The following SORCS3 variants were observed in gnomAD, a reference collection of about 807,000 sequenced individuals.
SORCS3 encodes sortilin related VPS10 domain containing receptor 3.
Under a neutral mutation model 146.3 loss-of-function variants are expected in SORCS3, and 57 were observed. The ratio of observed to expected loss-of-function variants is 0.39; its 90% CI spans 0.31 to 0.49. The LOEUF is 0.49. SORCS3 is among the 20% of genes least tolerant of loss of function. The pLI, the probability that SORCS3 is intolerant of heterozygous loss-of-function variation, is 0.92. For synonymous variants in SORCS3, 653 were observed against 618.5 expected, an observed-to-expected ratio of 1.06 and a Z score of -0.83; for missense variants, 1,341 against 1,575.5, an observed-to-expected ratio of 0.85 and a Z score of 2.52.
chr10:104,895,622 G>T (rs2018790421), intron 2 of SORCS3, among the ~76,000 whole-genome samples: 1 of 152,096 alleles, frequency 6.6e-6, no homozygotes, highest in South Asian at 2.1e-4. Context: ...AGAATATAAT[G>T]ATTCCTGCTT....
At chr10:104,741,070 T>C (rs972966442) in intron 1 of SORCS3, among the ~76,000 whole-genome samples, 7 of 151,432 alleles carry the variant, frequency 4.6e-5, no homozygotes, top group African/African-American at 1.7e-4. Context: ...CAAGGGATTC[T>C]CCCACATCAG....
chr10:104,906,279 T>C (rs905930476), intron 2 of SORCS3, among the ~76,000 whole-genome samples: 1 of 152,218 alleles, frequency 6.6e-6, no homozygotes, highest in African/African-American at 2.4e-5. Context: ...CTTTAATTTG[T>C]TAAGTGTTGG....
intron 25 of SORCS3, among the ~76,000 whole-genome samples, chr10:105,258,171 C>A (rs1249498502): frequency 1.3e-5 from 2 of 152,100 alleles, no homozygotes; most frequent in African/African-American, 2.4e-5. Context: ...CTATCAACAC[C>A]CTCCACGCTC....
At chr10:104,642,036 T>A in intron 1 of SORCS3, 82 bp downstream of exon 1, 1 of 1,392,532 alleles carries the variant, frequency 7.2e-7, no homozygotes, top group African/African-American at 1.5e-5. Context: ...GAGGGACAGA[T>A]AGTTGCTCGG....
intron 20 of SORCS3, among the ~76,000 whole-genome samples, chr10:105,225,756 CAG>C (rs1382660148): frequency 6.6e-6 from 1 of 151,950 alleles, no homozygotes; most frequent in Admixed American, 6.6e-5. Context: ...TGTCTTTCAA[CAG>C]AGTTTTGTAG....
At chr10:104,726,066 C>G in intron 1 of SORCS3, among the ~76,000 whole-genome samples, 1 of 152,222 alleles carries the variant, frequency 6.6e-6, no homozygotes, top group East Asian at 1.9e-4. Context: ...TTCTGCATCG[C>G]TCACGCTGGG....
At position 104,844,302 on chromosome 10, in the gene SORCS3, C is replaced by G. The variant is rs1467381148; in HGVS notation, c.695+1443C>G. On this transcript the variant is annotated intron_variant, in intron 2 of 26. Transcript: ENST00000369701. ...CCAAGCACAATGATGCTGTGTGATA[C>G]TTTAAGCCTCATTCCTGTGGTGTCT... Among the ~76,000 whole-genome samples, 3 of 152,148 alleles carry G rather than the reference C, an allele frequency of 2.0e-5. No homozygotes were observed. The South Asian group carries it at 6.2e-4, about 32-fold the overall frequency.
At chr10:104,686,946 T>C (rs72813620) in intron 1 of SORCS3, among the ~76,000 whole-genome samples, 1 of 56,052 alleles carries the variant, frequency 1.8e-5, no homozygotes, top group Non-Finnish European at 5.6e-5. Context: ...TCCATCCATC[T>C]ATGTATCCAT....
chr10:104,663,403 A>G (rs2015726885), intron 1 of SORCS3, among the ~76,000 whole-genome samples: 1 of 151,984 alleles, frequency 6.6e-6, no homozygotes, highest in Non-Finnish European at 1.5e-5. Context: ...CTTTTCTTGT[A>G]CTCCCTACCC....
chr10:104,962,785 A>G (rs558611050), intron 3 of SORCS3, among the ~76,000 whole-genome samples: 19 of 152,222 alleles, frequency 1.2e-4, no homozygotes, highest in Non-Finnish European at 2.4e-4. Flanking sequence ...GGAAAATAGA[A>G]AAGTATAGAG....
At chr10:104,842,167 T>C (rs1176283892) in intron 1 of SORCS3, among the ~76,000 whole-genome samples, 2 of 152,204 alleles carry the variant, frequency 1.3e-5, no homozygotes, top group Non-Finnish European at 1.5e-5. Flanking sequence ...AAGAAAGTGG[T>C]CATGGAGTCC....
chr10:104,924,638 G>A (rs2019120840), intron 3 of SORCS3, among the ~76,000 whole-genome samples: 1 of 152,160 alleles, frequency 6.6e-6, no homozygotes, highest in Non-Finnish European at 1.5e-5. Flanking sequence ...CCTGGGAGGT[G>A]GGCTATCTGG....
intron 25 of SORCS3, among the ~76,000 whole-genome samples, chr10:105,260,333 G>A (rs1024509874): frequency 2.0e-5 from 3 of 152,150 alleles, no homozygotes; most frequent in African/African-American, 7.2e-5. Flanking sequence ...ACCTTCATGA[G>A]CAATATGTAC....
intron 1 of SORCS3, among the ~76,000 whole-genome samples, chr10:104,761,265 G>A (rs549624067): frequency 3.9e-5 from 6 of 152,148 alleles, no homozygotes; most frequent in Non-Finnish European, 8.8e-5. Context: ...ATTTTAATGG[G>A]TGTTCAGGGA....
At chr10:104,920,583 G>T (rs935829201) in intron 3 of SORCS3, among the ~76,000 whole-genome samples, 1 of 152,136 alleles carries the variant, frequency 6.6e-6, no homozygotes, top group African/African-American at 2.4e-5. Flanking sequence ...ATTACCCCAA[G>T]ACTATATTGC....
intron 2 of SORCS3, among the ~76,000 whole-genome samples, chr10:104,900,687 A>G (rs1018923220): frequency 1.3e-5 from 2 of 151,938 alleles, no homozygotes. Flanking sequence ...TCAGGAGTTC[A>G]AGACCAGCCT....
At chr10:104,902,837 G>A (rs547311199) in intron 2 of SORCS3, among the ~76,000 whole-genome samples, 1 of 152,202 alleles carries the variant, frequency 6.6e-6, no homozygotes, top group Non-Finnish European at 1.5e-5. Flanking sequence ...GGCCTGGAAA[G>A]GTTAGGCAGT....
intron 1 of SORCS3, among the ~76,000 whole-genome samples, chr10:104,671,161 A>T (rs1229262951): frequency 1.3e-5 from 2 of 151,342 alleles, no homozygotes; most frequent in Admixed American, 1.3e-4. Context: ...TGCTCTGGTT[A>T]GAACTTTCAG....
At chr10:104,988,311 G>A (rs1185807402) in intron 4 of SORCS3, among the ~76,000 whole-genome samples, 1 of 152,098 alleles carries the variant, frequency 6.6e-6, no homozygotes, top group Non-Finnish European at 1.5e-5. Flanking sequence ...GCACAATAGA[G>A]TAAGACAACA....
Sources: allele counts gnomAD v4.1 joint callset (sites outside exome capture counted in the v4.1 genomes callset), GRCh38; gene constraint gnomAD v4.1.1; transcripts MANE v1.5; gene names NCBI Gene and HGNC (gene_info 2026-07-23, HGNC 2026-07-21).